Variants in ADAP1 observed in about 807,000 individuals in gnomAD.
The protein encoded by ADAP1 is arf-GAP with dual PH domain-containing protein 1.
In ADAP1, 31 loss-of-function variants were observed where a neutral mutation model predicts 54.9. The ratio of observed to expected loss-of-function variants is 0.56; its 90% confidence interval spans 0.42 to 0.76. The LOEUF (loss-of-function observed/expected upper bound fraction) is 0.76. Ranked by LOEUF, ADAP1 falls within the 30% of genes least tolerant of loss-of-function variation. The pLI is 0.00. For synonymous variants in ADAP1, 313 were observed against 202.6 expected (o/e 1.55, Z -4.63); for missense variants, 535 against 512.4 (o/e 1.04, Z -0.42).
chr7:951,666 C>G (rs1583193101), intron 1 of ADAP1, among the ~76,000 whole-genome samples: 1 of 151,162 alleles, frequency 6.6e-6, no homozygotes, highest in Admixed American at 6.6e-5. Flanking sequence ...GCCCTGGAGG[C>G]AGAGGCTGCA....
At position 905,085 on chromosome 7, in the gene ADAP1, G is replaced by A. The variant is rs775545837; in HGVS notation, c.476C>T (p.Ala159Val). Residue 159 changes from alanine to valine, a missense_variant, in exon 5 of 11, where the codon GCT (alanine) becomes GTT (valine). Physicochemically the swap from Ala to Val is moderately conservative, Grantham distance 64. Coordinates refer to ENST00000265846, the MANE Select transcript of ADAP1 (RefSeq NM_006869.4). ...ATCATTTCTGTTGAAATACTTCAGA[G>A]CACCCTCTCGTTCTGTCAGCACAAA... ...RKFVLTEREG[A>V]LKYFNRNDAK... 1.9e-6 allele frequency: 3 copies of A among 1,611,868 alleles called. 1 individual carries two copies. Among genetic ancestry groups the A allele is most frequent in the South Asian group, 2.2e-5 (2 of 91,094 alleles).
rs1844657998 is a variant in ADAP1 at position 899,256 on chromosome 7, G to A, written c.873C>T (p.Ala291=). ...RLMYFKDPLD[A]FARGEVFIGS... ...CAATGAAGACTTCCCCTCGGGCGAA[G>A]GCGTCCTGTGGGTGGGGACCGCACT... The change falls in exon 10 of 11, where the codon GCC becomes GCT. Residue 291 remains alanine (A), a synonymous_variant. Transcript: ENST00000265846. 6.2e-7 allele frequency: 1 copy of A among 1,612,720 alleles called. No individual in the cohort carries two copies. The highest frequency in any genetic ancestry group is 1.3e-5 in the African/African-American group (1 of 75,054).
intron 1 of ADAP1, among the ~76,000 whole-genome samples, chr7:951,776 G>T (rs1242719789): frequency 6.6e-6 from 1 of 152,166 alleles, no homozygotes; most frequent in Non-Finnish European, 1.5e-5. Flanking sequence ...TCCTTCCGGG[G>T]CATCAGATGG....
intron 3 of ADAP1, among the ~76,000 whole-genome samples, chr7:922,312 C>T (rs1846219635): frequency 6.6e-6 from 1 of 152,168 alleles, no homozygotes; most frequent in Admixed American, 6.5e-5. Flanking sequence ...TAGGCCACCC[C>T]TTCAAGGCCA....
At chr7:941,747 C>CGAT (rs891431946) in intron 1 of ADAP1, among the ~76,000 whole-genome samples, 3 of 152,144 alleles carry the variant, frequency 2.0e-5, no homozygotes, top group Admixed American at 1.3e-4. Context: ...AATGCCATCC[C>CGAT]AATCAGAATT....
At chr7:902,178 G>A (rs1422300098) in intron 6 of ADAP1, among the ~76,000 whole-genome samples, 1 of 151,128 alleles carries the variant, frequency 6.6e-6, no homozygotes, top group South Asian at 2.1e-4. Flanking sequence ...AAAAATTGCG[G>A]CTGGGCGCAG....
chr7:929,681 T>TTA (rs1307094621), intron 2 of ADAP1, among the ~76,000 whole-genome samples: 3 of 151,734 alleles, frequency 2.0e-5, no homozygotes, highest in African/African-American at 7.3e-5. Flanking sequence ...TGTTGGGACG[T>TTA]TAAAATGTCC....
rs1562915109 is a variant in ADAP1 at position 906,679 on chromosome 7, AGGGGACACG to A, written c.389-1516_389-1508del. 8.8e-4 allele frequency among the ~76,000 whole-genome samples: 57 copies of A among 64,650 alleles called. 7 individuals are homozygous for A. The East Asian group carries it at 9.5e-3, about 11-fold the overall frequency. 42.4% of individuals were successfully genotyped at this position (64,650 alleles called of 152,430 possible). On this transcript the variant is annotated intron_variant, in intron 4 of 10. Transcript: ENST00000265846. ...AGGGGGCGGGAAAGGGGACATGGACAGGGGACACGGGGGACATGGACATGGGGGACGGGA... is the reference window on the plus strand; with the variant it reads ...AGGGGGCGGGAAAGGGGACATGGACAGGGGACATGGACATGGGGGACGGGA...
chr7:916,279 GT>G (rs1344516790), intron 4 of ADAP1, among the ~76,000 whole-genome samples: 1 of 152,214 alleles, frequency 6.6e-6, no homozygotes, highest in Non-Finnish European at 1.5e-5. Flanking sequence ...GGAGATAGAG[GT>G]GCTGAAACCA....
At chr7:905,390 GGAGAAA>G (rs1350985976) in intron 4 of ADAP1, 1 of 264,138 alleles carries the variant, frequency 3.8e-6, no homozygotes, top group South Asian at 5.1e-5. Context: ...AAAGGAGAAA[GGAGAAA>G]GGAGAAAGGA....
At chr7:923,653 G>A (rs1202596746) in intron 3 of ADAP1, among the ~76,000 whole-genome samples, 7 of 152,120 alleles carry the variant, frequency 4.6e-5, no homozygotes, top group Non-Finnish European at 8.8e-5. Flanking sequence ...TTAGCTGGAG[G>A]TGGGCACGGT....
At chr7:916,937 CGGG>C (rs1845957219) in intron 4 of ADAP1, among the ~76,000 whole-genome samples, 1 of 149,880 alleles carries the variant, frequency 6.7e-6, no homozygotes, top group African/African-American at 2.5e-5. Context: ...GGGAGGTGCA[CGGG>C]AGGGGGGCGC....
intron 6 of ADAP1, among the ~76,000 whole-genome samples, chr7:902,917 A>G: frequency 6.6e-6 from 1 of 152,224 alleles, no homozygotes; most frequent in Non-Finnish European, 1.5e-5. Flanking sequence ...ATCTAGCCAC[A>G]GTCTAAGCCA....
rs879274543 is a variant in ADAP1 at position 906,741 on chromosome 7, GTAC to G, written c.389-1572_389-1570del. On this transcript the variant is annotated intron_variant, in intron 4 of 10. Coordinates refer to ENST00000265846, the MANE Select transcript of ADAP1 (RefSeq NM_006869.4). ...TCGGGGACGGGACATGGGGGACAGA[GTAC>G]ATAGGGGACATGGACAGGGGACATG... Among the ~76,000 whole-genome samples, 93 of 26,976 alleles carry G rather than the reference GTAC, an allele frequency of 3.4e-3. 5 individuals are homozygous for G. The East Asian group carries it at 0.044, about 13-fold the overall frequency. The allele number at this position is 26,976 out of a possible 152,430, so 17.7% of individuals were successfully genotyped here.
chr7:930,335 T>C (rs1221178035), intron 2 of ADAP1, among the ~76,000 whole-genome samples: 1 of 148,228 alleles, frequency 6.7e-6, no homozygotes. Context: ...TGAAAACAGC[T>C]AACATTGCAG....
intron 4 of ADAP1, among the ~76,000 whole-genome samples, chr7:906,667 G>A (rs1403184394): frequency 1.2e-4 from 11 of 94,414 alleles, no homozygotes; most frequent in Non-Finnish European, 1.2e-4. Context: ...GGGCGGGAAA[G>A]GGGACATGGA....
At chr7:915,684 G>A (rs1324682156) in intron 4 of ADAP1, among the ~76,000 whole-genome samples, 1 of 150,128 alleles carries the variant, frequency 6.7e-6, no homozygotes, top group East Asian at 1.9e-4. Flanking sequence ...GATTCCAGTG[G>A]GGCAGGAACA....
At chr7:906,705 GGGAC>G (rs1173037278) in intron 4 of ADAP1, among the ~76,000 whole-genome samples, 25 of 32,600 alleles carry the variant, frequency 7.7e-4, no homozygotes, top group Non-Finnish European at 1.3e-3. Flanking sequence ...ATGGACATGG[GGGAC>G]GGGACATCGG....
Position 905,302 on chromosome 7 carries a change from G to T in ADAP1, c.389-130C>A. The T allele has an allele frequency of 1.1e-5, 4 of 356,774 alleles. No homozygotes were observed. In the East Asian group the frequency reaches 2.2e-4, roughly 19 times the overall value. 22.1% of individuals were successfully genotyped at this position (356,774 alleles called of 1,614,324 possible). A position where few individuals can be genotyped will look rare whatever the true frequency, so the allele number is the denominator to read the frequency against. ...GACACGGACGGGGGACACGGACAGG[G>T]GGAGACGGACGGGGAGAGGGGACAT... On this transcript the variant is annotated intron_variant, in intron 4 of 10. Coordinates refer to ENST00000265846, the MANE Select transcript of ADAP1 (RefSeq NM_006869.4).
Sources: allele counts gnomAD v4.1 joint callset (sites outside exome capture counted in the v4.1 genomes callset), GRCh38; gene constraint gnomAD v4.1.1; transcripts MANE v1.5; gene names NCBI Gene and HGNC (gene_info 2026-07-23, HGNC 2026-07-21).